Variants in DNAH8 observed in about 807,000 individuals in gnomAD.
DNAH8 encodes axonemal beta dynein heavy chain 8.
Under a neutral mutation model 562.1 loss-of-function variants are expected in DNAH8, and 382 were observed. The observed-to-expected ratio is 0.68, with a 90% CI of 0.63 to 0.74. The LOEUF (loss-of-function observed/expected upper bound fraction) is 0.74, where lower values mean the gene tolerates loss of function less well. Among genes scored for constraint, DNAH8 ranks in the 30% least tolerant of loss-of-function variants. The pLI is 0.00. For missense variants in DNAH8, 5,203 were observed against 5,620.4 expected (o/e 0.93, Z 2.37); for synonymous variants, 1,881 against 1,919.4 (o/e 0.98, Z 0.52).
At chr6:38,919,899 A>G (rs1781577147) in intron 70 of DNAH8, among the ~76,000 whole-genome samples, 1 of 152,216 alleles carries the variant, frequency 6.6e-6, no homozygotes, top group African/African-American at 2.4e-5. Context: ...ATACATACAC[A>G]TGAAATTTAA....
At chr6:38,922,403 T>TA (rs1456081066) in intron 71 of DNAH8, among the ~76,000 whole-genome samples, 2 of 152,086 alleles carry the variant, frequency 1.3e-5, no homozygotes, top group African/African-American at 2.4e-5. Flanking sequence ...TGCATGGCAG[T>TA]ACCCCATCGC....
rs115438427 is a variant in DNAH8, at chr6:38,938,597, G to A, written c.11817-201G>A. ...AGACACTGTGACCTGTCAGAGAGTGGAGGGTGGGAGGAGGGAGAGGATCAA... is the reference window on the plus strand; with the variant it reads ...AGACACTGTGACCTGTCAGAGAGTGAAGGGTGGGAGGAGGGAGAGGATCAA... On this transcript the variant is annotated intron_variant, in intron 78 of 92. Coordinates refer to ENST00000327475, the MANE Select transcript of DNAH8 (RefSeq NM_001206927.2). Among the ~76,000 whole-genome samples the A allele has an allele frequency of 8.2e-3, 1,243 of 152,296 alleles. 10 individuals carry two copies. The highest frequency in any genetic ancestry group is 0.012 in the Non-Finnish European group (841 of 68,016).
intron 15 of DNAH8, among the ~76,000 whole-genome samples, chr6:38,780,600 G>A (rs1433293570): frequency 1.3e-5 from 2 of 152,060 alleles, no homozygotes; most frequent in Non-Finnish European, 2.9e-5. Context: ...ACAGAAAACC[G>A]AATACCACAT....
chr6:38,757,874 G>A (rs541439750), intron 10 of DNAH8, among the ~76,000 whole-genome samples: 2 of 152,080 alleles, frequency 1.3e-5, no homozygotes, highest in African/African-American at 4.8e-5. Context: ...CTGTTCCATT[G>A]GTCTATATCT....
At chr6:38,970,133 G>A (rs1197293593) in intron 82 of DNAH8, among the ~76,000 whole-genome samples, 1 of 152,142 alleles carries the variant, frequency 6.6e-6, no homozygotes, top group Non-Finnish European at 1.5e-5. Context: ...GACCTTCCTT[G>A]TAGAAGGTGT....
intron 85 of DNAH8, among the ~76,000 whole-genome samples, chr6:38,980,654 G>A (rs1017442910): frequency 6.6e-6 from 1 of 152,306 alleles, no homozygotes; most frequent in Admixed American, 6.5e-5. Flanking sequence ...ATAGGTGTGG[G>A]TGTCACATAG....
chr6:38,727,136 G>A (rs892184168), intron 3 of DNAH8, among the ~76,000 whole-genome samples: 8 of 152,132 alleles, frequency 5.3e-5, no homozygotes, highest in Admixed American at 5.2e-4. Context: ...GGGATTACAG[G>A]TGTGGGCCAC....
rs1562839341 is a variant in DNAH8, at chr6:38,803,253, A to G, written c.2976A>G (p.Ile992Met). The stretch of plus-strand genomic sequence containing the variant: ...TGGAAGAAGCTGTCAGAGAACTTAT[A>G]TCAATATTTGAGCAGATTTATGAAG... ...KHVEEAVREL[I>M]SIFEQIYEVK... Residue 992 changes from isoleucine to methionine, a missense_variant, in exon 22 of 93, where the codon ATA (isoleucine) becomes ATG (methionine). By Grantham distance (10) the Ile-to-Met change is conservative. Around this residue, in one of 6 missense-constraint regions of DNAH8, gnomAD observed 2,176 missense variants for 2,365.1 expected, o/e 0.92. Coordinates refer to ENST00000327475, the MANE Select transcript of DNAH8 (RefSeq NM_001206927.2). 1 of 1,610,256 alleles carries G rather than the reference A, an allele frequency of 6.2e-7. No homozygotes were observed. Among genetic ancestry groups the G allele is most frequent in the East Asian group, 2.2e-5 (1 of 44,800 alleles).
In DNAH8 at chr6:38,894,844, C is replaced by A. The variant is rs745669459; in HGVS notation, c.8727C>A (p.Cys2909Ter). ...PTLLSLFKHE[C>*]SRVIADRFIT... Reference sequence around the variant, plus strand: ...TCCTGTCCCTTTTCAAACACGAGTGCAGCAGAGTAATTGCAGACAGGTGCG... The same window carrying A: ...TCCTGTCCCTTTTCAAACACGAGTGAAGCAGAGTAATTGCAGACAGGTGCG... Residue 2909 changes from cysteine to a stop codon, truncating the protein, a stop_gained, in exon 59 of 93, where the codon TGC (cysteine) becomes TGA (stop). Coordinates refer to ENST00000327475, the MANE Select transcript of DNAH8 (RefSeq NM_001206927.2). LOFTEE classifies it high-confidence loss of function. 1 of 1,613,828 alleles carries A rather than the reference C, an allele frequency of 6.2e-7. No individual in the cohort carries two copies. Among genetic ancestry groups the A allele is most frequent in the Admixed American group, 1.7e-5 (1 of 59,998 alleles).
At chr6:38,892,509 C>G (rs907379103) in intron 58 of DNAH8, among the ~76,000 whole-genome samples, 1 of 152,132 alleles carries the variant, frequency 6.6e-6, no homozygotes, top group South Asian at 2.1e-4. Flanking sequence ...TGGCCTACAT[C>G]GAGTCCATCA....
At chr6:38,786,675 G>A in intron 17 of DNAH8, 90 bp from the exon 18 acceptor site, 2 of 1,342,706 alleles carry the variant, frequency 1.5e-6, no homozygotes, top group South Asian at 1.4e-5. Flanking sequence ...CAAGAAGTTA[G>A]TAATCCAGGG....
In DNAH8 at chr6:38,923,311, C is replaced by T. The variant is rs1781863064; in HGVS notation, c.10790+126C>T. On this transcript the variant is annotated intron_variant, in intron 72 of 92. Transcript: ENST00000327475. Reference sequence around the variant, plus strand: ...CAGTGCTTGCAACTTAAATCATGCACTCTCAGGTGAAATACTATAGAGGGT... The same window carrying T: ...CAGTGCTTGCAACTTAAATCATGCATTCTCAGGTGAAATACTATAGAGGGT... The T allele has an allele frequency of 5.3e-6, 6 of 1,141,918 alleles. 1 individual carries two copies. In the East Asian group the frequency reaches 1.5e-4, roughly 29 times the overall value. The allele number at this position is 1,141,918 out of a possible 1,614,324, so 70.7% of individuals were successfully genotyped here.
intron 86 of DNAH8, among the ~76,000 whole-genome samples, 159 bp downstream of exon 86, chr6:38,982,621 T>G (rs1583502571): frequency 6.6e-6 from 1 of 152,314 alleles, no homozygotes; most frequent in East Asian, 1.9e-4. Context: ...TGGGGCAGCC[T>G]GTCCCTGCCC....
chr6:38,835,155 G>A (rs1177151103), intron 32 of DNAH8, among the ~76,000 whole-genome samples: 4 of 152,102 alleles, frequency 2.6e-5, no homozygotes, highest in African/African-American at 9.6e-5. Context: ...ACATCCACAT[G>A]GATTAATACT....
intron 21 of DNAH8, among the ~76,000 whole-genome samples, chr6:38,795,073 T>C (rs1365515435): frequency 6.6e-6 from 1 of 152,240 alleles, no homozygotes; most frequent in East Asian, 1.9e-4. Context: ...CTCCCCACTC[T>C]TTGTTTTGGC....
intron 79 of DNAH8, among the ~76,000 whole-genome samples, chr6:38,944,523 T>C (rs1783695885): frequency 6.6e-6 from 1 of 152,224 alleles, no homozygotes; most frequent in African/African-American, 2.4e-5. Flanking sequence ...CTGCTTTGCA[T>C]GCATCTGAAT....
chr6:38,970,556 C>G (rs1471049620), intron 82 of DNAH8, among the ~76,000 whole-genome samples: 1 of 152,134 alleles, frequency 6.6e-6, no homozygotes, highest in East Asian at 1.9e-4. Flanking sequence ...AATCTTGCAC[C>G]CTGCAGACCC....
chr6:39,018,210 C>G (rs1437379829), intron 91 of DNAH8, among the ~76,000 whole-genome samples: 1 of 152,206 alleles, frequency 6.6e-6, no homozygotes, highest in Non-Finnish European at 1.5e-5. Flanking sequence ...GCCTTAGACA[C>G]AACCACATCT....
chr6:38,756,943 C>G (rs1003288356), intron 10 of DNAH8, among the ~76,000 whole-genome samples: 2 of 151,860 alleles, frequency 1.3e-5, no homozygotes, highest in South Asian at 4.2e-4. Flanking sequence ...GGCTTGGTTC[C>G]AAGTCTTTGC....
Sources: allele counts gnomAD v4.1 joint callset (sites outside exome capture counted in the v4.1 genomes callset), GRCh38; gene constraint gnomAD v4.1.1; regional missense constraint gnomAD v4.1.1; transcripts MANE v1.5; gene names NCBI Gene and HGNC (gene_info 2026-07-23, HGNC 2026-07-21).